The following LRP1B variants were observed in gnomAD, a reference collection of about 807,000 sequenced individuals.
The protein encoded by LRP1B is low-density lipoprotein receptor-related protein 1B.
Under a neutral mutation model 556.6 loss-of-function variants are expected in LRP1B, and 217 were observed. The observed-to-expected ratio is 0.39, with a 90% CI of 0.35 to 0.44. The LOEUF (loss-of-function observed/expected upper bound fraction) is 0.44. Ranked by LOEUF, LRP1B falls within the 20% of genes least tolerant of loss-of-function variation. LRP1B has a pLI of 1.00. For missense variants in LRP1B, 5,053 were observed against 5,620.8 expected (o/e 0.90, Z 3.23); for synonymous variants, 2,047 against 1,865.8 (o/e 1.10, Z -2.50).
Position 140,787,558 on chromosome 2 carries a change from A to ATTTTTTTTTTT in LRP1B, c.5360-11331_5360-11321dup, listed in dbSNP as rs756825067. On this transcript the variant is annotated intron_variant, in intron 32 of 90. Coordinates refer to ENST00000389484, the MANE Select transcript of LRP1B (RefSeq NM_018557.3). ...CCTATCTTCCTGTTTAAAACAGAAG[A>ATTTTTTTTTTT]TTTTTTTTTTTTTTTTTTTTTTTTT... Among the ~76,000 whole-genome samples, 29 of 44,660 alleles carry ATTTTTTTTTTT rather than the reference A, an allele frequency of 6.5e-4. 4 individuals carry two copies. The highest frequency in any genetic ancestry group is 4.3e-3 in the East Asian group (5 of 1,158). The allele number at this position is 44,660 out of a possible 152,430, so 29.3% of individuals were successfully genotyped here. A position where few individuals can be genotyped will look rare whatever the true frequency, so the allele number is the denominator to read the frequency against.
chr2:140,566,559 C>T (rs555232042), intron 43 of LRP1B, among the ~76,000 whole-genome samples: 5 of 152,260 alleles, frequency 3.3e-5, no homozygotes, highest in African/African-American at 1.2e-4. Flanking sequence ...CCAGTTGCTG[C>T]TGAGATTTGC....
intron 1 of LRP1B, among the ~76,000 whole-genome samples, chr2:142,121,861 A>G (rs1204660067): frequency 6.6e-6 from 1 of 151,260 alleles, no homozygotes; most frequent in African/African-American, 2.4e-5. Flanking sequence ...GTGATCACCA[A>G]CTATATGAGT....
intron 35 of LRP1B, among the ~76,000 whole-genome samples, chr2:140,748,125 ATATATATATAT>A (rs1559093622): frequency 0.15 from 14,542 of 94,458 alleles, 1,324 homozygotes; most frequent in Non-Finnish European, 0.2. Flanking sequence ...ATATATATAT[ATATATATATAT>A]AATTCATATA....
chr2:140,557,031 G>A lies in LRP1B; in HGVS notation c.7195-15060C>T, dbSNP rs549333779. ...AAAAATAAAAAGTAAAAACTACTAC[G>A]GGTTCTGACTACATGACTATTTGCA... On this transcript the variant is annotated intron_variant, in intron 43 of 90. Transcript: ENST00000389484. 7.1e-4 allele frequency among the ~76,000 whole-genome samples: 108 copies of A among 152,004 alleles called. 1 individual carries two copies. The highest frequency in any genetic ancestry group is 2.4e-3 in the African/African-American group (100 of 41,492).
In LRP1B at chr2:141,037,419, G is replaced by C. The variant is rs377336434; in HGVS notation, c.1789+11567C>G. Among the ~76,000 whole-genome samples the C allele has an allele frequency of 5.8e-4, 88 of 152,170 alleles. No homozygotes were observed. The East Asian group carries it at 0.012, about 20-fold the overall frequency. On this transcript the variant is annotated intron_variant, in intron 11 of 90. Transcript: ENST00000389484. ...ACTTTTCACCTCAACTCTAGTGATG[G>C]AGCTTCTGTGGTGCCTCTATGAGGA...
intron 43 of LRP1B, among the ~76,000 whole-genome samples, chr2:140,563,981 G>A (rs549539582): frequency 1.3e-5 from 2 of 152,068 alleles, no homozygotes; most frequent in Admixed American, 6.6e-5. Flanking sequence ...TGGGAGGGAG[G>A]GGTAGACAGG....
intron 7 of LRP1B, chr2:141,167,433 G>A (rs1680319304): frequency 6.6e-6 from 1 of 151,700 alleles, no homozygotes; most frequent in Non-Finnish European, 1.5e-5. Context: ...TTAACCCAAA[G>A]AGGAATTGAG....
intron 7 of LRP1B, among the ~76,000 whole-genome samples, chr2:141,093,437 A>C (rs1700220939): frequency 6.6e-6 from 1 of 152,174 alleles, no homozygotes; most frequent in African/African-American, 2.4e-5. Flanking sequence ...ACAGATTGGA[A>C]TAAAATATAT....
At chr2:141,418,615 C>T (rs1256854111) in intron 3 of LRP1B, among the ~76,000 whole-genome samples, 2 of 152,060 alleles carry the variant, frequency 1.3e-5, no homozygotes, top group Non-Finnish European at 2.9e-5. Context: ...CAGTACTACA[C>T]AGCTTTGATT....
At chr2:141,022,441 A>G (rs1202479244) in intron 11 of LRP1B, among the ~76,000 whole-genome samples, 1 of 152,016 alleles carries the variant, frequency 6.6e-6, no homozygotes, top group Admixed American at 6.6e-5. Flanking sequence ...CAGCTTGAAC[A>G]ATCAATTAAT....
intron 72 of LRP1B, among the ~76,000 whole-genome samples, chr2:140,360,470 C>G (rs1209748964): frequency 2.6e-5 from 4 of 151,514 alleles, no homozygotes; most frequent in African/African-American, 9.7e-5. Context: ...TCTTTACTTT[C>G]TATTTTCTAA....
intron 1 of LRP1B, among the ~76,000 whole-genome samples, chr2:141,905,092 CA>C (rs1558951724): frequency 6.6e-6 from 1 of 151,794 alleles, no homozygotes; most frequent in Non-Finnish European, 1.5e-5. Flanking sequence ...GTAAAGGGTG[CA>C]TTGTTTTTCT....
intron 1 of LRP1B, among the ~76,000 whole-genome samples, chr2:141,916,991 T>C (rs1028771855): frequency 6.6e-5 from 10 of 152,174 alleles, no homozygotes; most frequent in African/African-American, 2.4e-4. Context: ...TGGGTATCTT[T>C]GTATGAATTT....
rs186451941 is a variant in LRP1B, at chr2:140,751,435, C to T, written c.5758+17778G>A. Among the ~76,000 whole-genome samples the T allele has an allele frequency of 3.3e-3, 506 of 152,284 alleles. 1 individual carries two copies. The highest frequency in any genetic ancestry group is 5.7e-3 in the Non-Finnish European group (385 of 68,026). On this transcript the variant is annotated intron_variant, in intron 35 of 90. Transcript: ENST00000389484. ...TAATCTTCAAAATCCTTGTGATGAT[C>T]ATAACAGCACACAGTGGTCCTCCAA...
chr2:141,280,480 G>T (rs1042891336), intron 3 of LRP1B, among the ~76,000 whole-genome samples: 6 of 151,864 alleles, frequency 4.0e-5, no homozygotes, highest in African/African-American at 4.8e-5. Flanking sequence ...TATTAAGTTG[G>T]TGCAAAATAA....
At chr2:141,291,867 A>AC in intron 3 of LRP1B, among the ~76,000 whole-genome samples, 1 of 35,384 alleles carries the variant, frequency 2.8e-5, no homozygotes, top group African/African-American at 7.4e-5. Context: ...AAAAAAAAAA[A>AC]AAAAAAAAAA....
intron 3 of LRP1B, among the ~76,000 whole-genome samples, chr2:141,426,695 A>G (rs1189160040): frequency 2.0e-5 from 3 of 152,192 alleles, no homozygotes; most frequent in Admixed American, 6.5e-5. Flanking sequence ...AAGGTGAAGT[A>G]CTTTCATATA....
intron 7 of LRP1B, among the ~76,000 whole-genome samples, chr2:141,178,119 A>G (rs1027735874): frequency 6.6e-6 from 1 of 152,234 alleles, no homozygotes; most frequent in East Asian, 1.9e-4. Context: ...GTCTCTTCAT[A>G]TCTTAAAACC....
At chr2:140,908,885 C>T (rs1385311525) in intron 21 of LRP1B, among the ~76,000 whole-genome samples, 2 of 152,116 alleles carry the variant, frequency 1.3e-5, no homozygotes, top group Non-Finnish European at 2.9e-5. Context: ...CTACAACCTC[C>T]GCCTCCCAGG....
Sources: gnomAD v4.1 joint callset for allele counts (sites outside exome capture counted in the v4.1 genomes callset) on GRCh38, gnomAD v4.1.1 for gene constraint, MANE v1.5 for transcripts, NCBI Gene and HGNC (gene_info 2026-07-23, HGNC 2026-07-21) for gene names.